HDAC9: variants seen among roughly 807,000 people sequenced by gnomAD.
HDAC9 encodes the protein histone deacetylase 9.
HDAC9 carries 41 observed loss-of-function variants against 139.4 expected under a neutral mutation model. The observed-to-expected ratio is 0.29, with a 90% CI of 0.23 to 0.38. The LOEUF is 0.38. Among genes scored for constraint, HDAC9 ranks in the 10% least tolerant of loss-of-function variants. HDAC9 has a pLI of 1.00. For synonymous variants in HDAC9, 517 were observed against 476.2 expected, an observed-to-expected ratio of 1.09 and a Z score of -1.12; for missense variants, 1,147 against 1,297.0, an observed-to-expected ratio of 0.88 and a Z score of 1.78.
At chr7:18,610,487 T>A (rs1836818047) in intron 6 of HDAC9, among the ~76,000 whole-genome samples, 1 of 152,188 alleles carries the variant, frequency 6.6e-6, no homozygotes, top group South Asian at 2.1e-4. Flanking sequence ...GTCATTCTGA[T>A]AAATTCCCAG....
chr7:18,835,498 C>A lies in HDAC9; in HGVS notation c.2498C>A (p.Ala833Asp), dbSNP rs267601444. ...CACCATGGAAACGGTACCCAGCAGG[C>A]CTTTTATGCTGACCCCAGCATCCTG... ...DVHHGNGTQQ[A>D]FYADPSILYI... Residue 833 changes from alanine to aspartate, a missense_variant, in exon 20 of 26, where the codon GCC becomes GAC. This residue lies in a region of HDAC9 where 407 missense variants were observed against 521.5 expected (regional missense o/e 0.78). Transcript: ENST00000686413. 1 of 1,613,578 alleles carries A rather than the reference C, an allele frequency of 6.2e-7. No individual in the cohort carries two copies. The highest frequency in any genetic ancestry group is 1.7e-5 in the Admixed American group (1 of 60,010).
chr7:18,584,909 C>T (rs1434176477), intron 2 of HDAC9, among the ~76,000 whole-genome samples: 1 of 145,848 alleles, frequency 6.9e-6, no homozygotes, highest in Non-Finnish European at 1.5e-5. Flanking sequence ...TCTCTTAGGG[C>T]ATCTTTTCCT....
intron 22 of HDAC9, among the ~76,000 whole-genome samples, chr7:18,880,387 G>A (rs111548912): frequency 7.2e-5 from 11 of 152,246 alleles, no homozygotes; most frequent in African/African-American, 1.7e-4. Flanking sequence ...ATTCACAATA[G>A]CAGTGACCTG....
intron 1 of HDAC9, among the ~76,000 whole-genome samples, chr7:18,463,261 T>G (rs562742164): frequency 6.6e-6 from 1 of 152,012 alleles, no homozygotes; most frequent in Non-Finnish European, 1.5e-5. Context: ...TATACCCACA[T>G]AATGAGTTAT....
At chr7:18,824,485 G>T (rs1795261997) in intron 17 of HDAC9, among the ~76,000 whole-genome samples, 1 of 152,064 alleles carries the variant, frequency 6.6e-6, no homozygotes, top group African/African-American at 2.4e-5. Flanking sequence ...TGAGATGAAT[G>T]GATTGGAAGT....
chr7:18,723,341 G>A (rs931399999), intron 12 of HDAC9, among the ~76,000 whole-genome samples: 1 of 152,110 alleles, frequency 6.6e-6, no homozygotes, highest in Non-Finnish European at 1.5e-5. Flanking sequence ...AACAGCCAAA[G>A]GTCATCTCTT....
chr7:18,290,498 G>C (rs577424929), exon 1 of HDAC9: 2 of 456,598 alleles, frequency 4.4e-6, no homozygotes, highest in South Asian at 3.1e-5. Flanking sequence ...GGCAAAGAGG[G>C]AATGCACAAC....
intron 12 of HDAC9, among the ~76,000 whole-genome samples, chr7:18,683,115 T>G (rs1474451150): frequency 6.6e-6 from 1 of 151,844 alleles, no homozygotes; most frequent in Non-Finnish European, 1.5e-5. Flanking sequence ...CTTTTCTTTT[T>G]TTTACAAAAA....
chr7:18,411,280 A>C (rs1788520994), intron 1 of HDAC9, among the ~76,000 whole-genome samples: 1 of 152,212 alleles, frequency 6.6e-6, no homozygotes, highest in South Asian at 2.1e-4. Flanking sequence ...GGTGGTACAA[A>C]AGTAATACAC....
intron 25 of HDAC9, among the ~76,000 whole-genome samples, chr7:18,980,142 A>T (rs766991665): frequency 6.6e-6 from 1 of 151,810 alleles, no homozygotes; most frequent in East Asian, 1.9e-4. Context: ...TTTTATCTCT[A>T]TTTTCCCAAC....
At chr7:18,232,815 A>G (rs1360172536) in intron 2 of HDAC9, among the ~76,000 whole-genome samples, 1 of 152,222 alleles carries the variant, frequency 6.6e-6, no homozygotes, top group Non-Finnish European at 1.5e-5. Context: ...TGTTTACTGC[A>G]TAACAGAAAA....
rs117858738 is a variant in HDAC9 at position 18,973,019 on chromosome 7, G to A, written c.3023-2787G>A. On this transcript the variant is annotated intron_variant, in intron 24 of 25. Coordinates refer to ENST00000686413, the MANE Select transcript of HDAC9 (RefSeq NM_178425.4). ...TATTTTCATGTCTACTGGAAGGTGG[G>A]TGGAGGACAGCAGAGTGCAGAGGAA... Among the ~76,000 whole-genome samples the A allele has an allele frequency of 9.2e-5, 14 of 152,310 alleles. No individual in the cohort carries two copies. The East Asian group carries it at 1.7e-3, about 19-fold the overall frequency.
intron 8 of HDAC9, among the ~76,000 whole-genome samples, chr7:18,637,267 A>T (rs1440022900): frequency 1.3e-5 from 2 of 152,130 alleles, no homozygotes; most frequent in African/African-American, 4.8e-5. Flanking sequence ...AAGAAGATAC[A>T]TATATTCCTT....
chr7:18,549,170 G>A (rs1248985266), intron 2 of HDAC9, among the ~76,000 whole-genome samples: 1 of 152,120 alleles, frequency 6.6e-6, no homozygotes, highest in Non-Finnish European at 1.5e-5. Context: ...CCTGGGAGGT[G>A]GGGGTTGCAG....
chr7:18,858,505 T>C (rs918905728), intron 21 of HDAC9, among the ~76,000 whole-genome samples: 8 of 152,182 alleles, frequency 5.3e-5, no homozygotes, highest in Admixed American at 3.3e-4. Flanking sequence ...TATCTCCACC[T>C]AGTCCCTCCC....
intron 9 of HDAC9, among the ~76,000 whole-genome samples, chr7:18,647,078 A>G (rs1428576860): frequency 6.6e-6 from 1 of 152,148 alleles, no homozygotes; most frequent in Non-Finnish European, 1.5e-5. Context: ...CATGTAGAGA[A>G]AGGGTAAATT....
intron 21 of HDAC9, among the ~76,000 whole-genome samples, chr7:18,848,010 A>T (rs117584427): frequency 1.3e-5 from 2 of 152,164 alleles, no homozygotes; most frequent in Non-Finnish European, 2.9e-5. Context: ...ATATGATCCA[A>T]TTTCATCCAT....
chr7:18,217,142 A>G (rs1282660709), intron 2 of HDAC9, among the ~76,000 whole-genome samples: 3 of 152,146 alleles, frequency 2.0e-5, no homozygotes, highest in Non-Finnish European at 2.9e-5. Context: ...TAGGGTTTAT[A>G]TATTCTACTC....
chr7:18,701,266 C>T (rs1339437166), intron 12 of HDAC9, among the ~76,000 whole-genome samples: 2 of 151,570 alleles, frequency 1.3e-5, no homozygotes, highest in Non-Finnish European at 2.9e-5. Flanking sequence ...TTTGGTGTAT[C>T]ATTCTAGTCA....
Sources: allele counts gnomAD v4.1 joint callset (sites outside exome capture counted in the v4.1 genomes callset), GRCh38; gene constraint gnomAD v4.1.1; regional missense constraint gnomAD v4.1.1; transcripts MANE v1.5; gene names NCBI Gene and HGNC (gene_info 2026-07-23, HGNC 2026-07-21).